Variants in WDPCP observed in about 807,000 individuals in gnomAD.
WDPCP encodes WD repeat-containing and planar cell polarity effector protein fritz homolog.
Under a neutral mutation model 93.1 loss-of-function variants are expected in WDPCP, and 71 were observed. The ratio of observed to expected loss-of-function variants is 0.76; its 90% confidence interval spans 0.63 to 0.93. The LOEUF (loss-of-function observed/expected upper bound fraction) is 0.93. Ranked by LOEUF, WDPCP falls within the 40% of genes least tolerant of loss-of-function variation. The pLI is 0.00. For missense variants in WDPCP, 844 were observed against 887.4 expected (o/e 0.95, Z 0.62); for synonymous variants, 315 against 315.0 (o/e 1.00, Z 0.00).
intron 1 of WDPCP, among the ~76,000 whole-genome samples, chr2:63,500,897 G>A (rs1471123303): frequency 6.6e-6 from 1 of 152,106 alleles, no homozygotes; most frequent in African/African-American, 2.4e-5. Flanking sequence ...TCAAATAAAT[G>A]TTCTAGCTCC....
At chr2:63,263,404 G>A (rs1032195652) in intron 13 of WDPCP, among the ~76,000 whole-genome samples, 1 of 152,112 alleles carries the variant, frequency 6.6e-6, no homozygotes, top group Non-Finnish European at 1.5e-5. Flanking sequence ...TCACAGGAGT[G>A]GGTTAGTTAT....
In WDPCP at chr2:63,549,247, C is replaced by CA. The variant is rs60864094; in HGVS notation, c.75+38949dup. 1.7e-3 allele frequency among the ~76,000 whole-genome samples: 151 copies of CA among 87,586 alleles called. 2 individuals carry two copies. Among genetic ancestry groups the CA allele is most frequent in the South Asian group, 2.5e-3 (6 of 2,378 alleles). The allele number at this position is 87,586 out of a possible 152,430, so 57.5% of individuals were successfully genotyped here. ...CCTGGGCAATAGAGTGAGACTGTCTCAAAAAAAAAAAAAAAAAAAAAGAAA... is the reference window on the plus strand; with the variant it reads ...CCTGGGCAATAGAGTGAGACTGTCTCAAAAAAAAAAAAAAAAAAAAAAGAAA... On this transcript the variant is annotated intron_variant, in intron 1 of 17. Coordinates refer to ENST00000272321, the MANE Select transcript of WDPCP (RefSeq NM_015910.7).
chr2:63,672,057 T>C (rs1710354242), intron 2 of WDPCP, among the ~76,000 whole-genome samples: 1 of 152,190 alleles, frequency 6.6e-6, no homozygotes, highest in African/African-American at 2.4e-5. Flanking sequence ...AAGTCAACTG[T>C]GGCATTAACA....
chr2:63,421,815 A>G (rs1695888243), intron 9 of WDPCP, among the ~76,000 whole-genome samples: 1 of 152,220 alleles, frequency 6.6e-6, no homozygotes, highest in Non-Finnish European at 1.5e-5. Context: ...TAGCATGATT[A>G]TCTTGAAACT....
chr2:63,505,667 T>C (rs1388849665), intron 1 of WDPCP, among the ~76,000 whole-genome samples: 1 of 152,096 alleles, frequency 6.6e-6, no homozygotes, highest in Non-Finnish European at 1.5e-5. Flanking sequence ...TTCTCTTTCA[T>C]GAACATTCAA....
chr2:63,722,996 T>C (rs1293599697), intron 2 of WDPCP, among the ~76,000 whole-genome samples: 2 of 152,224 alleles, frequency 1.3e-5, no homozygotes, highest in East Asian at 1.9e-4. Context: ...CCCAACCCTG[T>C]GCTCTCTGAA....
chr2:63,815,191 C>T (rs902362504), intron 1 of WDPCP, among the ~76,000 whole-genome samples: 1 of 151,946 alleles, frequency 6.6e-6, no homozygotes, highest in South Asian at 2.1e-4. Flanking sequence ...TTAGATTTGC[C>T]AAGTGTCAAC....
chr2:63,556,874 A>G (rs1321874030), intron 1 of WDPCP, among the ~76,000 whole-genome samples: 2 of 152,216 alleles, frequency 1.3e-5, no homozygotes, highest in African/African-American at 4.8e-5. Flanking sequence ...CAACATTCTT[A>G]CAGAAAAGAA....
chr2:63,755,263 C>T, intron 2 of WDPCP, among the ~76,000 whole-genome samples: 1 of 152,198 alleles, frequency 6.6e-6, no homozygotes, highest in East Asian at 1.9e-4. Flanking sequence ...CCAAGAATCA[C>T]TGACAGCCAT....
At chr2:63,687,015 A>G (rs570266157) in intron 2 of WDPCP, among the ~76,000 whole-genome samples, 13 of 152,370 alleles carry the variant, frequency 8.5e-5, no homozygotes, top group Middle Eastern at 6.8e-3. Flanking sequence ...GGGCCACATC[A>G]GAAGAAGAAT....
At chr2:63,344,556 C>T (rs1689062036) in intron 12 of WDPCP, among the ~76,000 whole-genome samples, 1 of 152,196 alleles carries the variant, frequency 6.6e-6, no homozygotes, top group Non-Finnish European at 1.5e-5. Flanking sequence ...CTATTCATGG[C>T]TCCTATTCAC....
chr2:63,527,575 T>G (rs1196659366), intron 1 of WDPCP, among the ~76,000 whole-genome samples: 1 of 152,004 alleles, frequency 6.6e-6, no homozygotes, highest in Non-Finnish European at 1.5e-5. Context: ...CTGCATAGTA[T>G]TCCATGGTGT....
At chr2:63,641,641 C>T (rs1214998762) in intron 3 of WDPCP, among the ~76,000 whole-genome samples, 2 of 151,878 alleles carry the variant, frequency 1.3e-5, no homozygotes, top group Non-Finnish European at 2.9e-5. Flanking sequence ...GATTGGATTA[C>T]TAGATTTTTC....
intron 6 of WDPCP, among the ~76,000 whole-genome samples, chr2:63,448,035 G>A (rs2105604885): frequency 6.6e-6 from 1 of 152,156 alleles, no homozygotes; most frequent in Non-Finnish European, 1.5e-5. Context: ...AGGGAATAAA[G>A]ATCTCCACTA....
intron 6 of WDPCP, chr2:63,440,419 G>A (rs1170014755): frequency 6.6e-6 from 1 of 152,110 alleles, no homozygotes; most frequent in African/African-American, 2.4e-5. Flanking sequence ...AGGCAATTAA[G>A]TAAAATGTTA....
chr2:63,567,410 G>C (rs1207385552), intron 1 of WDPCP, among the ~76,000 whole-genome samples: 1 of 152,122 alleles, frequency 6.6e-6, no homozygotes, highest in Admixed American at 6.6e-5. Context: ...CAAGAACAAA[G>C]ACCAAGTATA....
intron 2 of WDPCP, among the ~76,000 whole-genome samples, chr2:63,782,740 A>ATGTGTGTGTGTGTGTGTGTGTGTG (rs70965143): frequency 7.1e-6 from 1 of 141,134 alleles, no homozygotes; most frequent in East Asian, 2.0e-4. Flanking sequence ...CACAGGCAAC[A>ATGTGTGTGTGTGTGTGTGTGTGTG]TGTGTGTGTG....
chr2:63,714,604 C>T lies in WDPCP; in HGVS notation n.309-63766G>A, dbSNP rs550604785. On this transcript the variant is annotated intron_variant and non_coding_transcript_variant, in intron 2 of 4. Coordinates refer to the WDPCP transcript ENST00000467687. Reference sequence around the variant, plus strand: ...CAGCACTTTGGGAGGCCGAGGCGGGCGGATCACGAGGTCAGGAGGTCAATA... The same window carrying T: ...CAGCACTTTGGGAGGCCGAGGCGGGTGGATCACGAGGTCAGGAGGTCAATA... Among the ~76,000 whole-genome samples, 21 of 152,110 alleles carry T rather than the reference C, an allele frequency of 1.4e-4. No individual in the cohort carries two copies. In the East Asian group the frequency reaches 2.9e-3, roughly 21 times the overall value.
At chr2:63,538,929 G>A (rs1704510299) in intron 1 of WDPCP, among the ~76,000 whole-genome samples, 1 of 152,006 alleles carries the variant, frequency 6.6e-6, no homozygotes, top group Non-Finnish European at 1.5e-5. Context: ...AAATAACTGT[G>A]GTTAGTGAAA....
Sources: gnomAD v4.1 joint callset for allele counts (sites outside exome capture counted in the v4.1 genomes callset) on GRCh38, gnomAD v4.1.1 for gene constraint, MANE v1.5 for transcripts, NCBI Gene and HGNC (gene_info 2026-07-23, HGNC 2026-07-21) for gene names.